Variants in RPS6KC1 observed in about 807,000 individuals in gnomAD.
RPS6KC1 encodes ribosomal protein S6 kinase C1, also known as inactive ribosomal protein S6 kinase delta-1.
RPS6KC1 carries 54 observed loss-of-function variants against 103.8 expected under a neutral mutation model. The observed-to-expected ratio is 0.52, with a 90% CI of 0.42 to 0.65. The LOEUF (loss-of-function observed/expected upper bound fraction) is 0.65, where lower values mean the gene tolerates loss of function less well. Among genes scored for constraint, RPS6KC1 ranks in the 30% least tolerant of loss-of-function variants. RPS6KC1 has a pLI of 0.00. For missense variants in RPS6KC1, 1,151 were observed against 1,253.8 expected, an observed-to-expected ratio of 0.92 and a Z score of 1.24; for synonymous variants, 439 against 438.7, an observed-to-expected ratio of 1.00 and a Z score of -0.01.
At chr1:213,605,903 G>A in the RPS6KC1 span, among the ~76,000 whole-genome samples, 10 of 152,122 alleles carry the variant, frequency 6.6e-5, no homozygotes, top group East Asian at 3.9e-4. Context: ...GAAGGATGCC[G>A]CCGATTACAG....
chr1:213,413,180 T>C, the RPS6KC1 span, among the ~76,000 whole-genome samples: 1 of 152,234 alleles, frequency 6.6e-6, no homozygotes, highest in African/African-American at 2.4e-5. Flanking sequence ...ATATGTGATA[T>C]TTTGATAGAA....
chr1:213,490,236 G>A, the RPS6KC1 span, among the ~76,000 whole-genome samples: 2 of 152,156 alleles, frequency 1.3e-5, no homozygotes, highest in East Asian at 1.9e-4. Context: ...CCTATTGAAT[G>A]AAAACTCAGG....
chr1:213,415,689 A>G, the RPS6KC1 span, among the ~76,000 whole-genome samples: 3 of 152,222 alleles, frequency 2.0e-5, no homozygotes, highest in Middle Eastern at 3.4e-3. Flanking sequence ...TTTAATGCCA[A>G]TGTGAACAGT....
At chr1:213,578,518 G>C in the RPS6KC1 span, among the ~76,000 whole-genome samples, 1 of 152,330 alleles carries the variant, frequency 6.6e-6, no homozygotes, top group Non-Finnish European at 1.5e-5. Context: ...CCAGTAGCGG[G>C]ACTGTACCCT....
chr1:213,212,645 G>T (rs543329490), intron 8 of RPS6KC1, among the ~76,000 whole-genome samples: 4 of 152,160 alleles, frequency 2.6e-5, no homozygotes, highest in Non-Finnish European at 5.9e-5. Flanking sequence ...GTTTAGTTTT[G>T]TAAGAAACTG....
the RPS6KC1 span, among the ~76,000 whole-genome samples, chr1:213,452,142 G>A: frequency 6.6e-6 from 1 of 152,176 alleles, no homozygotes; most frequent in African/African-American, 2.4e-5. Flanking sequence ...TGAGCTACAA[G>A]GGCGTTTAGG....
chr1:213,219,913 C>T (rs61832468), intron 8 of RPS6KC1, among the ~76,000 whole-genome samples: 5,056 of 151,694 alleles, frequency 0.033, 107 homozygotes, highest in Middle Eastern at 0.054. Flanking sequence ...TGTTAAATGA[C>T]GAGTTAATGG....
the RPS6KC1 span, among the ~76,000 whole-genome samples, chr1:213,389,097 G>T: frequency 1.3e-5 from 2 of 151,784 alleles, no homozygotes; most frequent in Non-Finnish European, 2.9e-5. Context: ...GGTTCTTAAT[G>T]TTTGAATGGA....
chr1:213,535,806 C>T, the RPS6KC1 span, among the ~76,000 whole-genome samples: 2 of 152,122 alleles, frequency 1.3e-5, no homozygotes, highest in Non-Finnish European at 2.9e-5. Context: ...CTCTTTTAGG[C>T]GCGAGGAGTC....
the RPS6KC1 span, among the ~76,000 whole-genome samples, chr1:213,778,849 G>A: frequency 6.6e-6 from 1 of 152,080 alleles, no homozygotes; most frequent in Non-Finnish European, 1.5e-5. Context: ...TAGTCTCTGA[G>A]ATGCCCACAG....
the RPS6KC1 span, among the ~76,000 whole-genome samples, chr1:213,387,164 A>G: frequency 6.6e-6 from 1 of 152,272 alleles, no homozygotes. Context: ...TAATCAGGGT[A>G]TCCCAGACAA....
At chr1:213,791,160 A>C in the RPS6KC1 span, among the ~76,000 whole-genome samples, 1 of 152,160 alleles carries the variant, frequency 6.6e-6, no homozygotes. Flanking sequence ...GTAGATTTTC[A>C]GGACAAAAGA....
At chr1:213,750,424 G>T in the RPS6KC1 span, among the ~76,000 whole-genome samples, 1 of 152,198 alleles carries the variant, frequency 6.6e-6, no homozygotes, top group Non-Finnish European at 1.5e-5. Flanking sequence ...GTTTGTTCTT[G>T]CTTGGCAAGG....
intron 1 of RPS6KC1, among the ~76,000 whole-genome samples, chr1:213,057,223 G>A (rs893612145): frequency 8.5e-5 from 13 of 152,104 alleles, no homozygotes; most frequent in African/African-American, 3.1e-4. Context: ...TTACAGGCGT[G>A]AGCCACCATG....
At chr1:213,279,821 C>G in the RPS6KC1 span, among the ~76,000 whole-genome samples, 2 of 152,056 alleles carry the variant, frequency 1.3e-5, no homozygotes, top group East Asian at 3.9e-4. Flanking sequence ...ATAAGTGATC[C>G]CCAGGTCATC....
chr1:213,133,230 A>G (rs935378020), intron 6 of RPS6KC1, among the ~76,000 whole-genome samples: 6 of 152,254 alleles, frequency 3.9e-5, no homozygotes, highest in East Asian at 1.9e-4. Flanking sequence ...TGCAATATAT[A>G]TATCACACTT....
At chr1:213,356,272 T>A in the RPS6KC1 span, among the ~76,000 whole-genome samples, 1 of 152,212 alleles carries the variant, frequency 6.6e-6, no homozygotes, top group Non-Finnish European at 1.5e-5. Flanking sequence ...TCCTATCTTG[T>A]TAACATGGAC....
chr1:213,081,394 C>T (rs1383167649), intron 3 of RPS6KC1, among the ~76,000 whole-genome samples: 1 of 152,050 alleles, frequency 6.6e-6, no homozygotes, highest in African/African-American at 2.4e-5. Context: ...AGGTTTAGTT[C>T]ACGGGAACTA....
At chr1:213,290,973 C>T in the RPS6KC1 span, among the ~76,000 whole-genome samples, 1 of 152,246 alleles carries the variant, frequency 6.6e-6, no homozygotes, top group Non-Finnish European at 1.5e-5. Context: ...CAATTTCCAC[C>T]AGGACTCCCG....
Sources: allele counts gnomAD v4.1 joint callset (sites outside exome capture counted in the v4.1 genomes callset), GRCh38; gene constraint gnomAD v4.1.1; transcripts MANE v1.5; gene names NCBI Gene and HGNC (gene_info 2026-07-23, HGNC 2026-07-21).